The following QRFPR variants were observed in gnomAD, a reference collection of about 807,000 sequenced individuals.
QRFPR encodes the protein pyroglutamylated RF-amide peptide receptor.
In QRFPR, 37 loss-of-function variants were observed where a neutral mutation model predicts 31.3. The observed-to-expected ratio is 1.18, with a 90% confidence interval of 0.91 to 1.56. The LOEUF is 1.56. Among genes scored for constraint, QRFPR ranks in the 40% most tolerant of loss-of-function variants. The pLI is 0.00. For missense variants in QRFPR, 542 were observed against 532.5 expected, an observed-to-expected ratio of 1.02 and a Z score of -0.18; for synonymous variants, 197 against 192.0, an observed-to-expected ratio of 1.03 and a Z score of -0.22.
chr4:121,374,218 G>C (rs191796287), intron 1 of QRFPR, among the ~76,000 whole-genome samples: 18 of 152,200 alleles, frequency 1.2e-4, no homozygotes, highest in Admixed American at 7.2e-4. Flanking sequence ...GACGCAATAG[G>C]CTGCAGAAAA....
At chr4:121,374,218 G>T (rs191796287) in intron 1 of QRFPR, among the ~76,000 whole-genome samples, 1 of 152,082 alleles carries the variant, frequency 6.6e-6, no homozygotes, top group Non-Finnish European at 1.5e-5. Context: ...GACGCAATAG[G>T]CTGCAGAAAA....
At position 121,333,001 on chromosome 4, in the gene QRFPR, G is replaced by A; in HGVS notation, c.617C>T (p.Thr206Ile). The change falls in exon 4 of 6, where the codon ACC becomes ATC. Residue 206 changes from threonine (T) to isoleucine (I), a missense_variant. By Grantham distance (89) the Thr-to-Ile change is moderately conservative. Transcript: ENST00000394427. ...GTAGATCTTCTGGTGCACAGGGCTG[G>A]TCCACTCTTCTAAGCAGCAGATGTG... is the stretch of plus-strand genomic sequence containing the variant. ...KEHICCLEEWTSPVHQKIYTT... is the reference protein window; with the variant it reads ...KEHICCLEEWISPVHQKIYTT... The A allele has an allele frequency of 1.3e-6, 2 of 1,588,474 alleles. No individual in the cohort carries two copies. The highest frequency in any genetic ancestry group is 1.7e-6 in the Non-Finnish European group (2 of 1,169,368).
chr4:121,361,515 T>C (rs910683196), intron 1 of QRFPR, among the ~76,000 whole-genome samples: 2 of 150,148 alleles, frequency 1.3e-5, no homozygotes, highest in South Asian at 4.2e-4. Context: ...GAAGCAAAAG[T>C]GGAACACAGC....
intron 1 of QRFPR, among the ~76,000 whole-genome samples, chr4:121,351,960 C>A (rs1725769188): frequency 6.6e-6 from 1 of 151,396 alleles, no homozygotes; most frequent in Non-Finnish European, 1.5e-5. Context: ...TGAAATTAAA[C>A]AGTAAACAAA....
chr4:121,360,697 A>T (rs1388939314), intron 1 of QRFPR, among the ~76,000 whole-genome samples: 2 of 152,138 alleles, frequency 1.3e-5, no homozygotes, highest in Non-Finnish European at 2.9e-5. Flanking sequence ...ATGGGTTGCA[A>T]CTCTTACTTT....
At chr4:121,335,587 G>T (rs1268902346) in intron 3 of QRFPR, among the ~76,000 whole-genome samples, 3 of 61,188 alleles carry the variant, frequency 4.9e-5, no homozygotes, top group Non-Finnish European at 1.0e-4. Context: ...GTGGGGGGTG[G>T]GGCGGGGAGA....
intron 1 of QRFPR, among the ~76,000 whole-genome samples, chr4:121,365,585 A>G (rs1202735381): frequency 1.2e-3 from 3 of 2,508 alleles, no homozygotes; most frequent in East Asian, 0.043. Context: ...TATATATTAT[A>G]TATATTATAT....
intron 1 of QRFPR, among the ~76,000 whole-genome samples, chr4:121,349,886 T>C (rs1238537005): frequency 6.6e-6 from 1 of 152,176 alleles, no homozygotes; most frequent in African/African-American, 2.4e-5. Context: ...CAATAAGGCA[T>C]AGCAATCAGC....
At chr4:121,373,166 A>G (rs1217550464) in intron 1 of QRFPR, among the ~76,000 whole-genome samples, 1 of 152,262 alleles carries the variant, frequency 6.6e-6, no homozygotes, top group Non-Finnish European at 1.5e-5. Flanking sequence ...AAAGCAAACT[A>G]AAAGGGAATT....
chr4:121,343,786 A>G (rs55766300), intron 1 of QRFPR, among the ~76,000 whole-genome samples: 53,418 of 152,040 alleles, frequency 0.35, 9,667 homozygotes, highest in Middle Eastern at 0.47. Flanking sequence ...AAACAAAAGA[A>G]AATTTTTGCT....
At position 121,380,311 on chromosome 4, in the gene QRFPR, C is replaced by T. The variant is rs756314761; in HGVS notation, c.337G>A (p.Gly113Arg). Residue 113 changes from glycine to arginine, a missense_variant, in exon 1 of 6, where the codon GGG (glycine) becomes AGG (arginine). By Grantham distance (125) the Gly-to-Arg change is moderately radical. Transcript: ENST00000394427. ...AGGAGCGGGGCGCGACTCTTACCCC[C>T]CAGCCAGTTGTCGGAAATGTTCTGG... The part of the protein sequence containing the change: ...MLQNISDNWL[G>R]GAFICKMVPF... 6.2e-7 allele frequency: 1 copy of T among 1,611,152 alleles called. No homozygotes were observed. Among genetic ancestry groups the T allele is most frequent in the African/African-American group, 1.3e-5 (1 of 74,710 alleles).
intron 1 of QRFPR, among the ~76,000 whole-genome samples, chr4:121,366,498 G>T (rs937646705): frequency 6.7e-6 from 1 of 149,564 alleles, no homozygotes. Flanking sequence ...TCAGAATATG[G>T]TGCCTCCACA....
At chr4:121,370,445 A>G in intron 1 of QRFPR, 5 of 569,046 alleles carry the variant, frequency 8.8e-6, no homozygotes, top group Non-Finnish European at 1.7e-5. Context: ...AATGAGGAAC[A>G]TGGTCCAGCT....
rs765839781 is a variant in QRFPR at position 121,329,334 on chromosome 4, G to A, written c.1276C>T (p.Pro426Ser). Residue 426 changes from proline to serine, a missense_variant, in exon 6 of 6, where the codon CCT becomes TCT. Physicochemically the swap from Pro to Ser is moderately conservative, Grantham distance 74 (BLOSUM62 -1). Transcript: ENST00000394427. ...TATAATTAATGCCCACTGTCTAAAGGAGAATTCTCAGCCAGTTCAGACCTA... is the reference window on the plus strand; with the variant it reads ...TATAATTAATGCCCACTGTCTAAAGAAGAATTCTCAGCCAGTTCAGACCTA... Reference protein sequence around the residue: ...LFRSELAENSPLDSGH With the variant: ...LFRSELAENSSLDSGH 17 of 1,612,758 alleles carry A rather than the reference G, an allele frequency of 1.1e-5. No homozygotes were observed. The East Asian group carries it at 2.0e-4, about 19-fold the overall frequency.
At chr4:121,346,655 TATG>T (rs1249603515) in intron 1 of QRFPR, among the ~76,000 whole-genome samples, 2 of 152,226 alleles carry the variant, frequency 1.3e-5, no homozygotes, top group South Asian at 2.1e-4. Context: ...CACCGTAAAA[TATG>T]ATGTTAGCTG....
intron 1 of QRFPR, among the ~76,000 whole-genome samples, chr4:121,366,137 C>A (rs1726131486): frequency 6.7e-6 from 1 of 149,690 alleles, no homozygotes; most frequent in East Asian, 2.0e-4. Context: ...TAATTCACTG[C>A]AGAAAGTGAA....
intron 1 of QRFPR, among the ~76,000 whole-genome samples, chr4:121,352,893 A>G (rs1429097787): frequency 6.6e-6 from 1 of 152,010 alleles, no homozygotes; most frequent in East Asian, 1.9e-4. Flanking sequence ...TTTCTCTGGT[A>G]ACTATCATTC....
rs1726484857 is a variant in QRFPR, at chr4:121,381,015, C to A, written c.-368G>T. The A allele has an allele frequency of 5.1e-6, 1 of 194,458 alleles. No individual in the cohort carries two copies. The highest frequency in any genetic ancestry group is 1.0e-5 in the Non-Finnish European group (1 of 96,652). 12.0% of individuals were successfully genotyped at this position (194,458 alleles called of 1,614,324 possible). A position where few individuals can be genotyped will look rare whatever the true frequency, so the allele number is the denominator to read the frequency against. ...GCGCCTCTGGCTCCCCGCCTTCTGG[C>A]CATGCGATGCGGACGCCGGACCCGC... On this transcript the variant is annotated 5_prime_UTR_variant, in exon 1 of 6. Transcript: ENST00000394427.
At chr4:121,341,437 C>G (rs368172381) in intron 1 of QRFPR, among the ~76,000 whole-genome samples, 28 of 152,168 alleles carry the variant, frequency 1.8e-4, no homozygotes, top group African/African-American at 5.8e-4. Flanking sequence ...AGCAGAAATT[C>G]TCTCTTCAAC....
Sources: allele counts gnomAD v4.1 joint callset (sites outside exome capture counted in the v4.1 genomes callset), GRCh38; gene constraint gnomAD v4.1.1; transcripts MANE v1.5; gene names NCBI Gene and HGNC (gene_info 2026-07-23, HGNC 2026-07-21).